Variants in STOX2 observed in about 807,000 individuals in gnomAD.
STOX2 encodes the protein storkhead box 2.
STOX2 carries 28 observed loss-of-function variants against 60.9 expected under a neutral mutation model. That is an observed-to-expected ratio of 0.46 (90% CI 0.34 to 0.63). STOX2 has a LOEUF of 0.63. STOX2 is among the 30% of genes least tolerant of loss of function. STOX2 has a pLI of 0.01. For missense variants in STOX2, 1,024 were observed against 1,187.7 expected, an observed-to-expected ratio of 0.86 and a Z score of 2.03; for synonymous variants, 472 against 463.9, an observed-to-expected ratio of 1.02 and a Z score of -0.22.
chr4:183,806,113 C>T lies in STOX2; in HGVS notation c.364+8058C>T, dbSNP rs549115026. Among the ~76,000 whole-genome samples the T allele has an allele frequency of 6.6e-6, 1 of 152,308 alleles. No homozygotes were observed. Among genetic ancestry groups the T allele is most frequent in the South Asian group, 2.1e-4 (1 of 4,824 alleles). On this transcript the variant is annotated intron_variant, in intron 1 of 2. Transcript: ENST00000513034. The surrounding 1 kb of genome is among the most constrained non-coding windows in gnomAD (Gnocchi z 4.1). ...TCCAGGTCTGAATTTGTCCTTATGACATTAACACTTTGGAAGCATACCTCT... is the reference window on the plus strand; with the variant it reads ...TCCAGGTCTGAATTTGTCCTTATGATATTAACACTTTGGAAGCATACCTCT...
chr4:183,945,157 C>A (rs1474988117), intron 1 of STOX2, among the ~76,000 whole-genome samples: 1 of 152,150 alleles, frequency 6.6e-6, no homozygotes, highest in Non-Finnish European at 1.5e-5. Flanking sequence ...GACAAAATTT[C>A]ATCAATTGTC....
intron 1 of STOX2, among the ~76,000 whole-genome samples, chr4:183,809,368 G>C (rs369101355): frequency 2.6e-5 from 4 of 152,018 alleles, no homozygotes; most frequent in African/African-American, 7.3e-5. Flanking sequence ...GATTACAGGC[G>C]TGAGCCACTG....
intron 1 of STOX2, among the ~76,000 whole-genome samples, chr4:183,814,463 G>T (rs1344159510): frequency 6.6e-6 from 1 of 152,214 alleles, no homozygotes; most frequent in East Asian, 1.9e-4. Context: ...AAGACACTGA[G>T]CTTAGAGAGG....
chr4:183,938,600 C>T (rs1250590766), intron 1 of STOX2, among the ~76,000 whole-genome samples: 3 of 134,396 alleles, frequency 2.2e-5, no homozygotes, highest in Non-Finnish European at 4.6e-5. Context: ...ACCCAGGAGG[C>T]GGAGGCTGCA....
rs1740532429 is a variant in STOX2 at position 183,865,029 on chromosome 4, G to A, written c.364+66974G>A. On this transcript the variant is annotated intron_variant, in intron 1 of 2. Coordinates refer to the STOX2 transcript ENST00000513034. This position sits in a 1 kb window ranked among gnomAD's most constrained non-coding sequence, Gnocchi z 4.1. ...GTTCTCCAAATCCCAGTTACCCTGG[G>A]AACACCTTCCTGACCATCACAATCC... Among the ~76,000 whole-genome samples the A allele has an allele frequency of 6.6e-6, 1 of 152,040 alleles. No individual in the cohort carries two copies. Among genetic ancestry groups the A allele is most frequent in the Non-Finnish European group, 1.5e-5 (1 of 68,024 alleles).
At chr4:183,948,486 T>G (rs945907404) in intron 1 of STOX2, among the ~76,000 whole-genome samples, 1 of 2,648 alleles carries the variant, frequency 3.8e-4, no homozygotes, top group African/African-American at 6.4e-4. Context: ...CTCTTGGGGC[T>G]CTTTCTCTAA....
intron 1 of STOX2, among the ~76,000 whole-genome samples, chr4:183,961,913 G>A (rs926746086): frequency 2.0e-5 from 3 of 152,262 alleles, no homozygotes; most frequent in African/African-American, 7.2e-5. Context: ...AAGCCAGACA[G>A]CTTGTGCTGA....
In STOX2 at chr4:183,799,064, C is replaced by G. The variant is rs1007289791; in HGVS notation, c.364+1009C>G. On this transcript the variant is annotated intron_variant, in intron 1 of 2. Coordinates refer to the STOX2 transcript ENST00000513034. Reference sequence around the variant, plus strand: ...TGTAAAGCCGCCTTTTCTCGTTACCCGCTGTTGCTATGCCGCCTTCCTCTG... The same window carrying G: ...TGTAAAGCCGCCTTTTCTCGTTACCGGCTGTTGCTATGCCGCCTTCCTCTG... Among the ~76,000 whole-genome samples the G allele has an allele frequency of 2.0e-5, 3 of 152,158 alleles. No homozygotes were observed. The South Asian group carries it at 6.2e-4, about 31-fold the overall frequency.
intron 1 of STOX2, among the ~76,000 whole-genome samples, chr4:183,927,778 T>G (rs1388319987): frequency 5.9e-5 from 9 of 152,176 alleles, no homozygotes; most frequent in African/African-American, 9.7e-5. Context: ...TTTCTGGGAC[T>G]TACCCAGGGC....
At chr4:183,912,333 T>C (rs1741803923) in intron 1 of STOX2, among the ~76,000 whole-genome samples, 1 of 152,222 alleles carries the variant, frequency 6.6e-6, no homozygotes, top group Non-Finnish European at 1.5e-5. Context: ...GATGAAATCA[T>C]AGACCAGGGC....
intron 2 of STOX2, among the ~76,000 whole-genome samples, chr4:184,007,753 C>T (rs1021247810): frequency 3.3e-5 from 5 of 152,202 alleles, no homozygotes; most frequent in African/African-American, 9.7e-5. Flanking sequence ...CCTCGGCTTA[C>T]GGATGGCCAC....
At chr4:183,967,462 G>A (rs1299199930) in intron 1 of STOX2, among the ~76,000 whole-genome samples, 1 of 152,092 alleles carries the variant, frequency 6.6e-6, no homozygotes. Context: ...AAAGTGAGTG[G>A]TGCAAGAGGA....
At chr4:183,927,508 CTT>C (rs577464785) in intron 1 of STOX2, among the ~76,000 whole-genome samples, 2 of 144,440 alleles carry the variant, frequency 1.4e-5, no homozygotes, top group African/African-American at 2.5e-5. Context: ...CTTTTGGGGT[CTT>C]TTTTTTTTTG....
intron 1 of STOX2, among the ~76,000 whole-genome samples, chr4:183,912,407 A>G (rs547815405): frequency 6.6e-6 from 1 of 151,842 alleles, no homozygotes; most frequent in South Asian, 2.1e-4. Context: ...TGTTCACCTC[A>G]CCCTGTGCTC....
At chr4:183,857,173 G>A (rs947577850) in intron 1 of STOX2, among the ~76,000 whole-genome samples, 12 of 152,038 alleles carry the variant, frequency 7.9e-5, no homozygotes, top group Admixed American at 7.9e-4. Context: ...TGCAGGTCTG[G>A]TCATCCCACA....
Position 183,908,925 on chromosome 4 carries a change from C to T in STOX2, c.166+1969C>T, listed in dbSNP as rs537277340. ...ATTTTTATGGCGTGCCCCCAAAGAG[C>T]GAAGTGCCTTGCTGGATTCTCATGG... On this transcript the variant is annotated intron_variant, in intron 1 of 3. Coordinates refer to ENST00000308497, the MANE Select transcript of STOX2 (RefSeq NM_020225.3). 5.3e-5 allele frequency among the ~76,000 whole-genome samples: 8 copies of T among 152,218 alleles called. No homozygotes were observed. The East Asian group carries it at 1.2e-3, about 22-fold the overall frequency.
intron 1 of STOX2, among the ~76,000 whole-genome samples, chr4:183,975,225 A>G (rs1277362599): frequency 6.6e-6 from 1 of 152,056 alleles, no homozygotes; most frequent in East Asian, 1.9e-4. Flanking sequence ...AAACCCTCAT[A>G]TTAGAAAAGA....
chr4:184,014,912 C>G (rs1734304979), intron 3 of STOX2: 2 of 152,078 alleles, frequency 1.3e-5, no homozygotes, highest in Admixed American at 1.3e-4. Context: ...TTGAGCCCAC[C>G]CCTTGAAAGC....
chr4:183,802,099 C>T (rs1161589445), intron 1 of STOX2, among the ~76,000 whole-genome samples: 4 of 152,170 alleles, frequency 2.6e-5, no homozygotes, highest in Admixed American at 6.5e-5. Context: ...GAGCCATGTG[C>T]GTGCTCCCCC....
Sources: allele counts gnomAD v4.1 joint callset (sites outside exome capture counted in the v4.1 genomes callset), GRCh38; gene constraint gnomAD v4.1.1; non-coding constraint Gnocchi (gnomAD v3.1); transcripts MANE v1.5; gene names NCBI Gene and HGNC (gene_info 2026-07-23, HGNC 2026-07-21).